The following NDUFA10 variants were observed in gnomAD, a reference collection of about 807,000 sequenced individuals.
NDUFA10 encodes NADH:ubiquinone oxidoreductase subunit A10, also known as NADH dehydrogenase [ubiquinone] 1 alpha subcomplex subunit 10, mitochondrial.
Under a neutral mutation model 47.8 loss-of-function variants are expected in NDUFA10, and 40 were observed. The observed-to-expected ratio is 0.84, with a 90% confidence interval of 0.65 to 1.09. The LOEUF (loss-of-function observed/expected upper bound fraction) is 1.09, where lower values mean the gene tolerates loss of function less well. NDUFA10 is among the 50% of genes least tolerant of loss of function. The probability of loss-of-function intolerance (pLI) is 0.00; values close to 1 mark genes in which losing one functional copy is unlikely to be tolerated. For synonymous variants in NDUFA10, 183 were observed against 172.2 expected (o/e 1.06, Z -0.49); for missense variants, 413 against 451.1 (o/e 0.92, Z 0.76).
rs1697530701 is a variant in NDUFA10 at position 240,019,708 on chromosome 2, A to G, written c.461-1069T>C. 2.5e-5 allele frequency among the ~76,000 whole-genome samples: 2 copies of G among 79,730 alleles called. 1 individual carries two copies. The highest frequency in any genetic ancestry group is 9.9e-5 in the African/African-American group (2 of 20,304). 52.3% of individuals were successfully genotyped at this position (79,730 alleles called of 152,430 possible). A position where few individuals can be genotyped will look rare whatever the true frequency, so the allele number is the denominator to read the frequency against. On this transcript the variant is annotated intron_variant, in intron 3 of 9. Coordinates refer to ENST00000252711, the MANE Select transcript of NDUFA10 (RefSeq NM_004544.4). ...GTGGCGGGCGCCTGTAGTCCCAGCTACTTGGGAGGCTGAGGCAGGAGAATG... is the reference window on the plus strand; with the variant it reads ...GTGGCGGGCGCCTGTAGTCCCAGCTGCTTGGGAGGCTGAGGCAGGAGAATG...
chr2:239,941,490 CCAAGGCGGG>C (rs72368921), intron 4 of NDUFA10, among the ~76,000 whole-genome samples: 16,365 of 152,174 alleles, frequency 0.11, 1,062 homozygotes, highest in East Asian at 0.25. Context: ...CTTTGGAAGG[CCAAGGCGGG>C]CAGATCACCT....
At chr2:239,975,770 C>T (rs1447464828) in intron 9 of NDUFA10, among the ~76,000 whole-genome samples, 2 of 152,286 alleles carry the variant, frequency 1.3e-5, no homozygotes, top group East Asian at 3.9e-4. Flanking sequence ...ACCAGCCTCT[C>T]CCCACCTCGC....
chr2:239,900,459 C>T (rs1693523563), intron 4 of NDUFA10, among the ~76,000 whole-genome samples: 1 of 152,006 alleles, frequency 6.6e-6, no homozygotes, highest in Admixed American at 6.6e-5. Context: ...GAAGCTTCCC[C>T]ACTCCTCTGC....
intron 6 of NDUFA10, among the ~76,000 whole-genome samples, chr2:240,009,897 G>A (rs1378112746): frequency 1.3e-5 from 2 of 152,014 alleles, no homozygotes; most frequent in Admixed American, 6.6e-5. Flanking sequence ...ATACAAGCCC[G>A]GGAAACCTAA....
chr2:239,966,604 A>G (rs578234851), intron 9 of NDUFA10, among the ~76,000 whole-genome samples: 2 of 152,228 alleles, frequency 1.3e-5, no homozygotes, highest in South Asian at 2.1e-4. Flanking sequence ...TTTCCCCCAA[A>G]TATCTGTGTG....
chr2:240,024,406 A>G (rs974051927), intron 1 of NDUFA10, among the ~76,000 whole-genome samples: 4 of 152,352 alleles, frequency 2.6e-5, no homozygotes, highest in African/African-American at 9.6e-5. Flanking sequence ...ACATTCCAGA[A>G]AAGGCAACTA....
At chr2:239,952,459 T>C (rs1249234041), downstream of NDUFA10, among the ~76,000 whole-genome samples, 1 of 152,132 alleles carries the variant, frequency 6.6e-6, no homozygotes, top group African/African-American at 2.4e-5. Flanking sequence ...AGGCTTTCCT[T>C]GGCAGCCGGT....
chr2:239,967,814 T>C (rs1695138778), intron 9 of NDUFA10, among the ~76,000 whole-genome samples: 1 of 152,166 alleles, frequency 6.6e-6, no homozygotes, highest in African/African-American at 2.4e-5. Context: ...TAGAAAAGTG[T>C]CCACTTCTAA....
At chr2:239,973,352 G>A (rs1371023812) in intron 9 of NDUFA10, among the ~76,000 whole-genome samples, 1 of 152,124 alleles carries the variant, frequency 6.6e-6, no homozygotes, top group Non-Finnish European at 1.5e-5. Flanking sequence ...ACTGATCCTA[G>A]TGCCTTTCTG....
At chr2:239,905,882 G>A (rs1300214769) in intron 4 of NDUFA10, among the ~76,000 whole-genome samples, 1 of 150,056 alleles carries the variant, frequency 6.7e-6, no homozygotes, top group Admixed American at 6.6e-5. Flanking sequence ...GGAGGGGACA[G>A]GAGGGGAGGA....
intron 8 of NDUFA10, among the ~76,000 whole-genome samples, chr2:239,993,617 G>A (rs902474170): frequency 6.6e-5 from 10 of 152,102 alleles, no homozygotes; most frequent in Admixed American, 3.3e-4. Flanking sequence ...AGAGAAAACA[G>A]GGTCACTGTG....
chr2:240,025,164 T>TGCCCCCCC, intron 1 of NDUFA10, 63 bp downstream of exon 1: 17 of 594,910 alleles, frequency 2.9e-5, no homozygotes, highest in Non-Finnish European at 3.8e-5. Flanking sequence ...GTGGAACTGC[T>TGCCCCCCC]CCCCACCCCG....
Position 240,021,093 on chromosome 2 carries a change from A to T in NDUFA10, c.460+104T>A. 8.5e-6 allele frequency: 8 copies of T among 943,768 alleles called. No individual in the cohort carries two copies. The South Asian group carries it at 1.1e-4, about 13-fold the overall frequency. The allele number at this position is 943,768 out of a possible 1,614,324, so 58.5% of individuals were successfully genotyped here. ...TTGGAAAGACAGAACTCACCTCATC[A>T]AACACCCTTAAAGGAAAGCTCGACT... is the stretch of plus-strand genomic sequence containing the variant. On this transcript the variant is annotated intron_variant, in intron 3 of 9. Coordinates refer to ENST00000252711, the MANE Select transcript of NDUFA10 (RefSeq NM_004544.4).
At chr2:240,011,566 C>T (rs772740289) in intron 6 of NDUFA10, 51 bp downstream of exon 6, 53 of 1,453,406 alleles carry the variant, frequency 3.6e-5, no homozygotes, top group Non-Finnish European at 5.0e-5. Context: ...GCCTAAGAAA[C>T]GAGTGGCGAA....
chr2:239,931,654 G>C (rs1257154172), intron 4 of NDUFA10, among the ~76,000 whole-genome samples: 1 of 152,192 alleles, frequency 6.6e-6, no homozygotes, highest in Non-Finnish European at 1.5e-5. Flanking sequence ...TTTACTCAGT[G>C]AATGAATACA....
At chr2:240,020,946 C>T in intron 3 of NDUFA10, 1 of 578,980 alleles carries the variant, frequency 1.7e-6, no homozygotes, top group Non-Finnish European at 3.1e-6. Context: ...AGTATAGAAG[C>T]TTAAAGTAGT....
chr2:240,017,477 G>C (rs943498321), intron 4 of NDUFA10, among the ~76,000 whole-genome samples: 2 of 152,156 alleles, frequency 1.3e-5, no homozygotes, highest in Non-Finnish European at 2.9e-5. Context: ...TGCCCCCAAA[G>C]CACCCAGGAG....
chr2:239,937,089 G>C (rs1559296202), intron 4 of NDUFA10, among the ~76,000 whole-genome samples: 1 of 152,230 alleles, frequency 6.6e-6, no homozygotes, highest in South Asian at 2.1e-4. Context: ...GGGGAGGGCT[G>C]GGGGCAGTCC....
chr2:239,961,274 C>T (rs4077387), intron 9 of NDUFA10, 88 bp from the exon 10 acceptor site: 1 of 1,599,348 alleles, frequency 6.3e-7, no homozygotes, highest in Non-Finnish European at 8.5e-7. Flanking sequence ...CGGCAGATGC[C>T]TGTACTTCAT....
Sources: allele counts gnomAD v4.1 joint callset (sites outside exome capture counted in the v4.1 genomes callset), GRCh38; gene constraint gnomAD v4.1.1; transcripts MANE v1.5; gene names NCBI Gene and HGNC (gene_info 2026-07-23, HGNC 2026-07-21).